The following CRACDL variants were observed in gnomAD, a reference collection of about 807,000 sequenced individuals.
The protein encoded by CRACDL is CRACD like.
A neutral mutation model predicts 70.6 loss-of-function variants in CRACDL; 26 were observed. That is an observed-to-expected ratio of 0.37 (90% confidence interval 0.27 to 0.51). CRACDL has a LOEUF of 0.51. Ranked by LOEUF, CRACDL falls within the 20% of genes least tolerant of loss-of-function variation. CRACDL has a pLI of 0.94. For synonymous variants in CRACDL, 618 were observed against 615.2 expected, an observed-to-expected ratio of 1.00 and a Z score of -0.07; for missense variants, 1,283 against 1,376.9, an observed-to-expected ratio of 0.93 and a Z score of 1.08.
chr2:98,899,282 G>C (rs1708205318), intron 1 of CRACDL, among the ~76,000 whole-genome samples: 1 of 152,260 alleles, frequency 6.6e-6, no homozygotes, highest in African/African-American at 2.4e-5. Context: ...CTTAACCTCA[G>C]ACGTTAAGCC....
intron 1 of CRACDL, among the ~76,000 whole-genome samples, chr2:98,927,219 A>G (rs1476392974): frequency 6.6e-6 from 1 of 152,008 alleles, no homozygotes; most frequent in Non-Finnish European, 1.5e-5. Context: ...AGCAGGTGGG[A>G]CCCTCCCTGG....
In CRACDL at chr2:98,823,125, G is replaced by A; in HGVS notation, c.1148C>T (p.Pro383Leu). Residue 383 changes from proline (P) to leucine (L), a missense_variant, in exon 7 of 10, where the codon CCG becomes CTG. Pro to Leu is a moderately conservative substitution (Grantham distance 98). Transcript: ENST00000397899. The surrounding 1 kb of genome is among the most constrained non-coding windows in gnomAD (Gnocchi z 4.0). ...CACCTCCTCCGCCTTGTCCGTGGCC[G>A]GGGCACACGGGCCTGCGGGGGGCGC... ...GEAPPAGPCA[P>L]ATDKAEEVVC... The A allele has an allele frequency of 6.4e-7, 1 of 1,570,192 alleles. No individual in the cohort carries two copies.
At chr2:98,883,719 G>C (rs1284203754) in intron 1 of CRACDL, among the ~76,000 whole-genome samples, 1 of 152,206 alleles carries the variant, frequency 6.6e-6, no homozygotes, top group African/African-American at 2.4e-5. Context: ...GTAACTCCAA[G>C]TTCTGTCTTT....
At chr2:98,832,748 G>A in intron 4 of CRACDL, 114 bp downstream of exon 4, 1 of 1,358,064 alleles carries the variant, frequency 7.4e-7, no homozygotes. Context: ...GAGCTGTCAT[G>A]TACATGTGAT....
In CRACDL at chr2:98,934,617, A is replaced by T. The variant is rs76519929; in HGVS notation, c.-11+1321T>A. ...CAGCTGAGCTGCGCAGCATCCATGG[A>T]TGGTACACTTTATTTTATAAGTGAG... On this transcript the variant is annotated intron_variant, in intron 1 of 9. Coordinates refer to ENST00000397899, the MANE Select transcript of CRACDL (RefSeq NM_207362.3). 5.4e-3 allele frequency among the ~76,000 whole-genome samples: 821 copies of T among 152,310 alleles called. 50 individuals carry two copies. In the East Asian group the frequency reaches 0.14, roughly 26 times the overall value.
chr2:98,929,568 T>C (rs1709019095), intron 1 of CRACDL, among the ~76,000 whole-genome samples: 1 of 152,148 alleles, frequency 6.6e-6, no homozygotes, highest in Non-Finnish European at 1.5e-5. Flanking sequence ...CTGAAGTGAG[T>C]GTAAGCAAAG....
At chr2:98,914,468 C>T (rs17022066) in intron 1 of CRACDL, among the ~76,000 whole-genome samples, 2,112 of 152,356 alleles carry the variant, frequency 0.014, 39 homozygotes, top group African/African-American at 0.048. Flanking sequence ...CATCAGGTTA[C>T]GGAAGTTGAG....
chr2:98,920,791 C>A (rs181458738), intron 1 of CRACDL, among the ~76,000 whole-genome samples: 1 of 152,202 alleles, frequency 6.6e-6, no homozygotes, highest in East Asian at 1.9e-4. Context: ...GAATCACCCA[C>A]GTGTCTGTGT....
intron 6 of CRACDL, among the ~76,000 whole-genome samples, chr2:98,824,098 A>C (rs1705209435): frequency 6.6e-6 from 1 of 152,206 alleles, no homozygotes; most frequent in Non-Finnish European, 1.5e-5. Context: ...GTTTTCCTAA[A>C]AGATGGCTCA....
At chr2:98,885,622 C>T (rs914545985) in intron 1 of CRACDL, among the ~76,000 whole-genome samples, 4 of 152,016 alleles carry the variant, frequency 2.6e-5, no homozygotes, top group African/African-American at 9.7e-5. Context: ...AAAATATGGC[C>T]TTCAGAGGCT....
intron 1 of CRACDL, among the ~76,000 whole-genome samples, chr2:98,874,137 A>G (rs80147183): frequency 0.029 from 4,410 of 152,362 alleles, 163 homozygotes; most frequent in South Asian, 0.17. Context: ...TCTATTGTTA[A>G]CAATGATCAG....
intron 7 of CRACDL, among the ~76,000 whole-genome samples, chr2:98,819,687 GT>G (rs1020681926): frequency 3.3e-5 from 5 of 152,002 alleles, no homozygotes; most frequent in Admixed American, 3.3e-4. Context: ...TTTTCACATT[GT>G]TTTGTATGAG....
intron 1 of CRACDL, among the ~76,000 whole-genome samples, chr2:98,919,072 T>C (rs1441086933): frequency 6.6e-6 from 1 of 152,226 alleles, no homozygotes; most frequent in Non-Finnish European, 1.5e-5. Context: ...AGGTCTTACA[T>C]TTGAGTCTTT....
At chr2:98,887,645 C>T (rs1707835448) in intron 1 of CRACDL, among the ~76,000 whole-genome samples, 1 of 152,064 alleles carries the variant, frequency 6.6e-6, no homozygotes, top group Non-Finnish European at 1.5e-5. Flanking sequence ...AAACACGACC[C>T]ATTCAAGAAG....
chr2:98,902,981 A>T (rs549119785), intron 1 of CRACDL, among the ~76,000 whole-genome samples: 1 of 151,746 alleles, frequency 6.6e-6, no homozygotes, highest in Admixed American at 6.6e-5. Flanking sequence ...AGATGAAAAC[A>T]CCCTTCCCCT....
intron 1 of CRACDL, among the ~76,000 whole-genome samples, chr2:98,891,297 A>C (rs1707967259): frequency 6.8e-6 from 1 of 146,604 alleles, no homozygotes; most frequent in African/African-American, 2.5e-5. Flanking sequence ...GAATCACTTG[A>C]ATGTCGGAGG....
At chr2:98,850,456 C>A (rs1368936769) in intron 1 of CRACDL, among the ~76,000 whole-genome samples, 1 of 152,198 alleles carries the variant, frequency 6.6e-6, no homozygotes, top group East Asian at 1.9e-4. Flanking sequence ...ATTAGAAAGG[C>A]AATGTGGCAA....
intron 1 of CRACDL, among the ~76,000 whole-genome samples, chr2:98,852,692 T>G (rs749600036): frequency 1.1e-4 from 17 of 151,960 alleles, no homozygotes; most frequent in Non-Finnish European, 2.2e-4. Flanking sequence ...AATAAAATAT[T>G]TATTAAATGG....
chr2:98,907,573 G>A (rs1708445913), intron 1 of CRACDL, among the ~76,000 whole-genome samples: 1 of 152,110 alleles, frequency 6.6e-6, no homozygotes. Context: ...CTCTGATCTC[G>A]GTTTCTTGTG....
Sources: gnomAD v4.1 joint callset for allele counts (sites outside exome capture counted in the v4.1 genomes callset) on GRCh38, gnomAD v4.1.1 for gene constraint, Gnocchi (gnomAD v3.1) non-coding constraint, MANE v1.5 for transcripts, NCBI Gene and HGNC (gene_info 2026-07-23, HGNC 2026-07-21) for gene names.